Variants in MAK observed in about 807,000 individuals in gnomAD.
The protein encoded by MAK is male germ cell associated kinase, also known as serine/threonine-protein kinase MAK.
Under a neutral mutation model 82.6 loss-of-function variants are expected in MAK, and 65 were observed. The observed-to-expected ratio is 0.79, with a 90% CI of 0.64 to 0.97. The LOEUF is 0.97. MAK is among the 50% of genes least tolerant of loss of function. The pLI is 0.00. For synonymous variants in MAK, 250 were observed against 274.2 expected (o/e 0.91, Z 0.87); for missense variants, 703 against 780.2 (o/e 0.90, Z 1.18).
rs1309134969 is a variant in MAK at position 10,776,217 on chromosome 6, C to T, written c.1466-758G>A. 6.6e-6 allele frequency among the ~76,000 whole-genome samples: 1 copy of T among 152,176 alleles called. No homozygotes were observed. Among genetic ancestry groups the T allele is most frequent in the Non-Finnish European group, 1.5e-5 (1 of 68,042 alleles). ...GAAGTTCGGAGGTATGAAGCTCCAC[C>T]TGAAACGCTTATTTGTATATGAGAT... On this transcript the variant is annotated intron_variant, in intron 11 of 14. Coordinates refer to ENST00000354489, the MANE Select transcript of MAK (RefSeq NM_001242957.3). The surrounding 1 kb of genome is among the most constrained non-coding windows in gnomAD (Gnocchi z 4.3).
chr6:10,802,146 ACAT>A (rs1776064806), intron 7 of MAK, 87 bp from the exon 8 acceptor site: 2 of 980,844 alleles, frequency 2.0e-6, no homozygotes, highest in Non-Finnish European at 3.1e-6. Flanking sequence ...AGTAATATAA[ACAT>A]CATTTATGTT....
At chr6:10,770,285 A>C in intron 13 of MAK, 55 bp from the exon 14 acceptor site, 1 of 1,600,058 alleles carries the variant, frequency 6.2e-7, no homozygotes, top group Non-Finnish European at 8.5e-7. Flanking sequence ...TAGGCACAGT[A>C]GAATAACATT....
intron 6 of MAK, among the ~76,000 whole-genome samples, chr6:10,805,706 C>A (rs1210274844): frequency 6.6e-6 from 1 of 152,110 alleles, no homozygotes; most frequent in Non-Finnish European, 1.5e-5. Flanking sequence ...TTTCCAAGAA[C>A]CTACTGATGA....
intron 5 of MAK, 45 bp from the exon 6 acceptor site, chr6:10,808,987 T>G: frequency 6.7e-7 from 1 of 1,495,682 alleles, no homozygotes; most frequent in South Asian, 1.1e-5. Context: ...ATCATTACGT[T>G]TAAACATAGC....
intron 5 of MAK, among the ~76,000 whole-genome samples, chr6:10,813,185 G>T (rs1777194855): frequency 1.2e-5 from 1 of 86,472 alleles, no homozygotes; most frequent in African/African-American, 4.6e-5. Context: ...GTCTCACTCT[G>T]TTGCCCAGGC....
chr6:10,769,016 C>T (rs551105496), intron 14 of MAK, among the ~76,000 whole-genome samples: 1 of 152,178 alleles, frequency 6.6e-6, no homozygotes, highest in African/African-American at 2.4e-5. Flanking sequence ...CAAGATCCAG[C>T]TTGGGCAACA....
At chr6:10,788,351 G>A (rs1410211082) in intron 10 of MAK, among the ~76,000 whole-genome samples, 1 of 151,822 alleles carries the variant, frequency 6.6e-6, no homozygotes, top group Non-Finnish European at 1.5e-5. Flanking sequence ...AAAAATATAT[G>A]ACTAAAATTT....
chr6:10,764,367 A>ATAGACATTTG lies in MAK; in HGVS notation c.*75_*84dup. 1 of 1,434,326 alleles carries ATAGACATTTG rather than the reference A, an allele frequency of 7.0e-7. No homozygotes were observed. The highest frequency in any genetic ancestry group is 1.2e-5 in the South Asian group (1 of 83,422). 88.8% of individuals were successfully genotyped at this position (1,434,326 alleles called of 1,614,324 possible). On this transcript the variant is annotated 3_prime_UTR_variant, in exon 15 of 15. Transcript: ENST00000354489. ...ATATTTCTTCCAGAACTCAGTAGAAATAGACATTTGTAGACATTTCCCAGG... is the reference window on the plus strand; with the variant it reads ...ATATTTCTTCCAGAACTCAGTAGAAATAGACATTTGTAGACATTTGTAGACATTTCCCAGG...
intron 5 of MAK, among the ~76,000 whole-genome samples, chr6:10,813,132 A>T (rs1561987589): frequency 0.27 from 207 of 754 alleles, 62 homozygotes; most frequent in East Asian, 0.67. Context: ...ATATATATAT[A>T]TAAATTTTTT....
At chr6:10,789,798 G>A (rs1774920874) in intron 10 of MAK, among the ~76,000 whole-genome samples, 1 of 152,108 alleles carries the variant, frequency 6.6e-6, no homozygotes, top group Non-Finnish European at 1.5e-5. Flanking sequence ...TGGGATTACA[G>A]GCGCCCGCCA....
chr6:10,817,129 A>AATGTGTGT (rs1554184782), intron 4 of MAK, among the ~76,000 whole-genome samples: 5 of 149,840 alleles, frequency 3.3e-5, no homozygotes, highest in Non-Finnish European at 7.4e-5. Flanking sequence ...CTTGAGCGAG[A>AATGTGTGT]GTGTGTGTGT....
chr6:10,833,648 C>A (rs1004491740), intron 1 of MAK, among the ~76,000 whole-genome samples: 1 of 149,022 alleles, frequency 6.7e-6, no homozygotes, highest in Non-Finnish European at 1.5e-5. Context: ...ATAGGGAGTA[C>A]GTATTTAACA....
intron 2 of MAK, among the ~76,000 whole-genome samples, chr6:10,820,927 A>G (rs1046025482): frequency 5.3e-5 from 8 of 152,192 alleles, no homozygotes; most frequent in African/African-American, 1.7e-4. Context: ...AACTGCACAT[A>G]TAATCTGCTA....
chr6:10,768,003 A>G (rs1207312606), intron 14 of MAK, among the ~76,000 whole-genome samples: 3 of 152,128 alleles, frequency 2.0e-5, no homozygotes, highest in Non-Finnish European at 4.4e-5. Context: ...TGACCACTTG[A>G]GAGTGATTAA....
At chr6:10,815,596 C>T (rs1777403054) in intron 4 of MAK, among the ~76,000 whole-genome samples, 1 of 151,942 alleles carries the variant, frequency 6.6e-6, no homozygotes, top group African/African-American at 2.4e-5. Flanking sequence ...GCACTCTGGC[C>T]CTCCAGCCAA....
chr6:10,809,615 C>A (rs1349997565), intron 5 of MAK, among the ~76,000 whole-genome samples: 1 of 152,112 alleles, frequency 6.6e-6, no homozygotes, highest in African/African-American at 2.4e-5. Flanking sequence ...TTAAAAAGTC[C>A]ATTCAATAAA....
chr6:10,826,876 C>T (rs1387029301), intron 2 of MAK, among the ~76,000 whole-genome samples: 1 of 152,172 alleles, frequency 6.6e-6, no homozygotes, highest in Non-Finnish European at 1.5e-5. Flanking sequence ...CTTTGGGAGG[C>T]TGAGACTGGT....
At chr6:10,780,921 C>T (rs1266054789) in intron 11 of MAK, among the ~76,000 whole-genome samples, 2 of 152,060 alleles carry the variant, frequency 1.3e-5, no homozygotes, top group Non-Finnish European at 2.9e-5. Context: ...AAAATTTACA[C>T]ACAGGTGTCT....
Position 10,780,289 on chromosome 6 carries a change from C to G in MAK, c.1465+4135G>C, listed in dbSNP as rs944902370. On this transcript the variant is annotated intron_variant, in intron 11 of 14. Coordinates refer to ENST00000354489, the MANE Select transcript of MAK (RefSeq NM_001242957.3). The stretch of plus-strand genomic sequence containing the variant: ...TCTAGTTAAAAAGGAAATGATCAAA[C>G]AGGTCTCAGAAAACCACATTAGGAA... 3.1e-6 allele frequency: 3 copies of G among 978,678 alleles called. No homozygotes were observed. The African/African-American group carries it at 5.3e-5, about 17-fold the overall frequency. 60.6% of individuals were successfully genotyped at this position (978,678 alleles called of 1,614,324 possible). A position where few individuals can be genotyped will look rare whatever the true frequency, so the allele number is the denominator to read the frequency against.
Sources: allele counts gnomAD v4.1 joint callset (sites outside exome capture counted in the v4.1 genomes callset), GRCh38; gene constraint gnomAD v4.1.1; non-coding constraint Gnocchi (gnomAD v3.1); transcripts MANE v1.5; gene names NCBI Gene and HGNC (gene_info 2026-07-23, HGNC 2026-07-21).